HADHB: variants seen among roughly 807,000 people sequenced by gnomAD.
The protein encoded by HADHB is trifunctional enzyme subunit beta, mitochondrial.
Under a neutral mutation model 61.9 loss-of-function variants are expected in HADHB, and 50 were observed. The observed-to-expected ratio is 0.81, with a 90% CI of 0.64 to 1.02. The LOEUF (loss-of-function observed/expected upper bound fraction) is 1.02, where lower values mean the gene tolerates loss of function less well. Ranked by LOEUF, HADHB falls within the 50% of genes least tolerant of loss-of-function variation. The pLI is 0.00. For synonymous variants in HADHB, 191 were observed against 201.6 expected (o/e 0.95, Z 0.45); for missense variants, 504 against 586.5 (o/e 0.86, Z 1.45).
At chr2:26,289,119 G>A (rs567057541) in intron 15 of HADHB, among the ~76,000 whole-genome samples, 14 of 152,100 alleles carry the variant, frequency 9.2e-5, no homozygotes, top group Admixed American at 1.3e-4. Context: ...ACGTGGTGGC[G>A]GGCGCCTGTA....
intron 9 of HADHB, 23 bp from the exon 10 acceptor site, chr2:26,279,970 TA>T (rs746559522): frequency 2.2e-5 from 35 of 1,579,726 alleles, no homozygotes; most frequent in Non-Finnish European, 2.8e-5. Context: ...TCCATAGAGT[TA>T]AAAAAATTCA....
At chr2:26,288,283 A>C (rs1252640370) in intron 15 of HADHB, among the ~76,000 whole-genome samples, 5 of 152,100 alleles carry the variant, frequency 3.3e-5, no homozygotes, top group Admixed American at 1.3e-4. Context: ...TAAAGAAATT[A>C]AAATAAATAA....
At chr2:26,276,011 T>C (rs1337143878) in intron 6 of HADHB, among the ~76,000 whole-genome samples, 1 of 152,182 alleles carries the variant, frequency 6.6e-6, no homozygotes, top group Non-Finnish European at 1.5e-5. Context: ...TGGGTGTGTA[T>C]GTGGGAGGAA....
intron 1 of HADHB, 21 bp from the exon 2 acceptor site, chr2:26,254,226 C>A: frequency 9.4e-7 from 1 of 1,062,196 alleles, no homozygotes; most frequent in Non-Finnish European, 1.5e-6. Context: ...CCAGGATATA[C>A]TTTTGTTCTT....
At chr2:26,266,871 C>CA (rs56401595) in intron 4 of HADHB, among the ~76,000 whole-genome samples, 2,066 of 45,008 alleles carry the variant, frequency 0.046, 121 homozygotes, top group East Asian at 0.098. Context: ...CACTCTCTCT[C>CA]AAAAAAAAAA....
chr2:26,260,169 C>T (rs1485528058), intron 3 of HADHB, among the ~76,000 whole-genome samples: 1 of 151,076 alleles, frequency 6.6e-6, no homozygotes, highest in East Asian at 1.9e-4. Flanking sequence ...GCAACCTCCA[C>T]CTCCTGTGTT....
intron 1 of HADHB, among the ~76,000 whole-genome samples, chr2:26,249,326 C>T (rs1243986227): frequency 6.6e-6 from 1 of 151,980 alleles, no homozygotes; most frequent in East Asian, 1.9e-4. Flanking sequence ...GCCTGATCAA[C>T]ACGGTGAAAT....
chr2:26,250,758 T>C (rs183041822), intron 1 of HADHB, among the ~76,000 whole-genome samples: 1 of 151,796 alleles, frequency 6.6e-6, no homozygotes, highest in Non-Finnish European at 1.5e-5. Context: ...GAGTTCCAGA[T>C]TGCAGTGACC....
rs78003085 is a variant in HADHB at position 26,273,556 on chromosome 2, C to T, written c.255-95C>T. 0.063 allele frequency: 47,597 copies of T among 758,816 alleles called. 1,817 individuals are homozygous for T. Among genetic ancestry groups the T allele is most frequent in the Middle Eastern group, 0.082 (299 of 3,638 alleles). The allele number at this position is 758,816 out of a possible 1,614,324, so 47.0% of individuals were successfully genotyped here. ...AGTCTCTGTCCTTTTAAATTCAAGG[C>T]TAACCTTTTTCAAGGAGCGCAGTGT... is the stretch of plus-strand genomic sequence containing the variant. On this transcript the variant is annotated intron_variant, in intron 5 of 15. Coordinates refer to ENST00000317799, the MANE Select transcript of HADHB (RefSeq NM_000183.3).
intron 1 of HADHB, among the ~76,000 whole-genome samples, chr2:26,252,306 T>TG (rs1011548218): frequency 6.6e-6 from 1 of 152,190 alleles, no homozygotes; most frequent in Non-Finnish European, 1.5e-5. Context: ...TAGAGATTAT[T>TG]GGGGGGCAAC....
intron 1 of HADHB, among the ~76,000 whole-genome samples, chr2:26,249,480 C>T (rs1671312003): frequency 6.6e-6 from 1 of 152,046 alleles, no homozygotes; most frequent in Non-Finnish European, 1.5e-5. Context: ...CGCTGTACTC[C>T]AGCCTGGGCG....
At chr2:26,276,983 C>G in intron 6 of HADHB, 90 bp from the exon 7 acceptor site, 1 of 771,906 alleles carries the variant, frequency 1.3e-6, no homozygotes, top group Non-Finnish European at 2.4e-6. Context: ...GAAACCGTTT[C>G]CAGATGACTA....
rs763169112 is a variant in HADHB, at chr2:26,269,948, C to A, written c.210-5C>A. The stretch of plus-strand genomic sequence containing the variant: ...TGGTTTAAATTACTGGTTTTCGTTC[C>A]CCAGATATAAAGACCTGATGCCACA... On this transcript the variant is annotated splice_polypyrimidine_tract_variant and splice_region_variant and intron_variant, in intron 4 of 15. Transcript: ENST00000317799. 6.2e-7 allele frequency: 1 copy of A among 1,601,620 alleles called. No homozygotes were observed. Among genetic ancestry groups the A allele is most frequent in the Non-Finnish European group, 8.6e-7 (1 of 1,168,788 alleles).
At chr2:26,252,691 A>G (rs1442679467) in intron 1 of HADHB, among the ~76,000 whole-genome samples, 1 of 152,230 alleles carries the variant, frequency 6.6e-6, no homozygotes, top group Non-Finnish European at 1.5e-5. Context: ...ACAGCTGCAT[A>G]GTATTTCACA....
rs1373216305 is a variant in HADHB, at chr2:26,273,657, G to A, written c.261G>A (p.Leu87=). ...TTTGGATTTCTACTTCCAGGGGTTTGTTGCATCGGACCAGTGTCCCTAAGG... is the reference window on the plus strand; with the variant it reads ...TTTGGATTTCTACTTCCAGGGGTTTATTGCATCGGACCAGTGTCCCTAAGG... The part of the protein sequence containing the change: ...HDLARAALTG[L]LHRTSVPKEV... The change falls in exon 6 of 16, where the codon TTG becomes TTA. Residue 87 remains leucine, a synonymous_variant. Coordinates refer to ENST00000317799, the MANE Select transcript of HADHB (RefSeq NM_000183.3). 1 of 1,577,002 alleles carries A rather than the reference G, an allele frequency of 6.3e-7. No individual in the cohort carries two copies. The highest frequency in any genetic ancestry group is 1.1e-5 in the South Asian group (1 of 90,340).
intron 3 of HADHB, among the ~76,000 whole-genome samples, chr2:26,256,525 G>A (rs1464601654): frequency 9.0e-5 from 2 of 22,238 alleles, no homozygotes; most frequent in Non-Finnish European, 2.6e-4. Flanking sequence ...CTTTCTCTCT[G>A]TGTATATATA....
intron 6 of HADHB, among the ~76,000 whole-genome samples, chr2:26,274,804 A>G (rs983211725): frequency 1.3e-5 from 2 of 151,962 alleles, no homozygotes; most frequent in Admixed American, 6.6e-5. Flanking sequence ...TAAATAGTAA[A>G]TTTTTTTGCT....
chr2:26,263,780 T>C (rs1236668481), intron 4 of HADHB, among the ~76,000 whole-genome samples: 1 of 152,228 alleles, frequency 6.6e-6, no homozygotes, highest in African/African-American at 2.4e-5. Context: ...TGGAGACAAG[T>C]ACATTGTCCC....
intron 14 of HADHB, 70 bp from the exon 15 acceptor site, chr2:26,285,337 T>C (rs1221774671): frequency 8.4e-6 from 11 of 1,311,194 alleles, no homozygotes; most frequent in African/African-American, 2.9e-5. Flanking sequence ...TACTTCGTAG[T>C]ACTAAGAGCC....
Sources: allele counts gnomAD v4.1 joint callset (sites outside exome capture counted in the v4.1 genomes callset), GRCh38; gene constraint gnomAD v4.1.1; transcripts MANE v1.5; gene names NCBI Gene and HGNC (gene_info 2026-07-23, HGNC 2026-07-21).